Variants in ZSCAN32 observed in about 807,000 individuals in gnomAD.
The protein encoded by ZSCAN32 is zinc finger and SCAN domain containing 32, also known as zinc finger and SCAN domain-containing protein 32.
Under a neutral mutation model 47.4 loss-of-function variants are expected in ZSCAN32, and 52 were observed. The observed-to-expected ratio is 1.10, with a 90% CI of 0.88 to 1.38. The LOEUF is 1.38. ZSCAN32 is among the 40% of genes most tolerant of loss of function. The pLI, the probability that ZSCAN32 is intolerant of heterozygous loss-of-function variation, is 0.00. For missense variants in ZSCAN32, 959 were observed against 846.0 expected (o/e 1.13, Z -1.66); for synonymous variants, 346 against 305.7 (o/e 1.13, Z -1.38).
intron 3 of ZSCAN32, among the ~76,000 whole-genome samples, chr16:3,392,188 A>G (rs1189575352): frequency 6.6e-6 from 1 of 152,208 alleles, no homozygotes; most frequent in Non-Finnish European, 1.5e-5. Context: ...ACAACAGGTA[A>G]ATCCATGGAA....
intron 6 of ZSCAN32, chr16:3,384,009 G>T (rs1174606587): frequency 9.0e-6 from 4 of 446,404 alleles, no homozygotes; most frequent in African/African-American, 4.0e-5. Context: ...TCTGTTTATA[G>T]GTGTACCCTC....
intron 5 of ZSCAN32, among the ~76,000 whole-genome samples, chr16:3,388,575 C>G (rs1246484973): frequency 6.6e-6 from 1 of 152,186 alleles, no homozygotes; most frequent in Non-Finnish European, 1.5e-5. Flanking sequence ...CCCTAACGAC[C>G]TAGAACTAGG....
At chr16:3,385,057 G>T in intron 5 of ZSCAN32, 116 bp from the exon 6 acceptor site, 1 of 1,242,078 alleles carries the variant, frequency 8.1e-7, no homozygotes, top group Non-Finnish European at 1.1e-6. Flanking sequence ...GGATGCGGTG[G>T]CTCACACCTG....
rs1038553614 is a variant in ZSCAN32 at position 3,397,696 on chromosome 16, A to G, written c.-139T>C. 1.7e-6 allele frequency: 2 copies of G among 1,162,564 alleles called. No homozygotes were observed. Among genetic ancestry groups the G allele is most frequent in the Admixed American group, 3.0e-5 (1 of 33,490 alleles). The allele number at this position is 1,162,564 out of a possible 1,614,324, so 72.0% of individuals were successfully genotyped here. A position where few individuals can be genotyped will look rare whatever the true frequency, so the allele number is the denominator to read the frequency against. Reference sequence around the variant, plus strand: ...TCCGTGGGACATGAGAGTGTCAGACATGTGTAGAGACTCACAGCGGAAAAA... The same window carrying G: ...TCCGTGGGACATGAGAGTGTCAGACGTGTGTAGAGACTCACAGCGGAAAAA... On this transcript the variant is annotated 5_prime_UTR_variant, in exon 2 of 7. It removes an upstream start codon present in the reference 5' UTR. Coordinates refer to ENST00000396852, the MANE Select transcript of ZSCAN32 (RefSeq NM_001284527.2).
At position 3,382,524 on chromosome 16, in the gene ZSCAN32, ATGTT is replaced by A. The variant is rs756335208; in HGVS notation, c.*324_*327del. Reference sequence around the variant, plus strand: ...TCTTTCTCAGCCCTGTGTGAGGACTATGTTAGCCCAGAAAGTGTTCTTGGACCAC... The same window carrying A: ...TCTTTCTCAGCCCTGTGTGAGGACTAAGCCCAGAAAGTGTTCTTGGACCAC... On this transcript the variant is annotated 3_prime_UTR_variant, in exon 7 of 7. Coordinates refer to ENST00000396852, the MANE Select transcript of ZSCAN32 (RefSeq NM_001284527.2). The A allele has an allele frequency of 1.2e-4, 24 of 206,554 alleles. No individual in the cohort carries two copies. The highest frequency in any genetic ancestry group is 2.2e-4 in the Non-Finnish European group (23 of 103,508). The allele number at this position is 206,554 out of a possible 1,614,324, so 12.8% of individuals were successfully genotyped here.
rs1266152792 is a variant in ZSCAN32, at chr16:3,382,639, C to CT, written c.*212dup. ...ATCCTACAGCTTTCTCTCCATCAAACTTTAAGTCACAGTAAGATAGGACTC... is the reference window on the plus strand; with the variant it reads ...ATCCTACAGCTTTCTCTCCATCAAACTTTTAAGTCACAGTAAGATAGGACTC... On this transcript the variant is annotated 3_prime_UTR_variant, in exon 7 of 7. Transcript: ENST00000396852. The CT allele has an allele frequency of 2.4e-5, 13 of 541,080 alleles. No homozygotes were observed. Among genetic ancestry groups the CT allele is most frequent in the Admixed American group, 7.8e-5 (2 of 25,784 alleles). The allele number at this position is 541,080 out of a possible 1,614,324, so 33.5% of individuals were successfully genotyped here.
At chr16:3,386,707 C>T (rs1286461620) in intron 5 of ZSCAN32, among the ~76,000 whole-genome samples, 2 of 152,000 alleles carry the variant, frequency 1.3e-5, no homozygotes, top group Admixed American at 6.6e-5. Context: ...AACCAAATAC[C>T]ACATGTTGTC....
rs1306121225 is a variant in ZSCAN32, at chr16:3,383,586, C to G, written c.1360G>C (p.Gly454Arg). The change falls in exon 7 of 7, where the codon GGC (glycine) becomes CGC (arginine). Residue 454 changes from glycine (G) to arginine (R), a missense_variant. Coordinates refer to ENST00000396852, the MANE Select transcript of ZSCAN32 (RefSeq NM_001284527.2). ...GVYWHSELQK[G>R]LESEPTSRRQ... ...CTTGATGTTGGCTCACTCTCCAAGCCTTTTTGTAGCTCAGAGTGCCAATAA... is the reference window on the plus strand; with the variant it reads ...CTTGATGTTGGCTCACTCTCCAAGCGTTTTTGTAGCTCAGAGTGCCAATAA... 1 of 1,613,784 alleles carries G rather than the reference C, an allele frequency of 6.2e-7. No homozygotes were observed. Among genetic ancestry groups the G allele is most frequent in the Non-Finnish European group, 8.5e-7 (1 of 1,180,006 alleles).
chr16:3,390,310 A>G (rs943762481), intron 4 of ZSCAN32, 113 bp downstream of exon 4: 2 of 1,355,570 alleles, frequency 1.5e-6, no homozygotes, highest in African/African-American at 3.0e-5. Flanking sequence ...GAATCAAAAT[A>G]ACCCGAGAAG....
At position 3,383,058 on chromosome 16, in the gene ZSCAN32, C is replaced by T. The variant is rs1398221806; in HGVS notation, c.1888G>A (p.Glu630Lys). Residue 630 changes from glutamate to lysine, a missense_variant, in exon 7 of 7, where the codon GAG (glutamate) becomes AAG (lysine). Coordinates refer to ENST00000396852, the MANE Select transcript of ZSCAN32 (RefSeq NM_001284527.2). ...CACACTGCACACTTGTATGGGCTCT[C>T]CCCAGTGTGGATGCGCCGGTGAGCA... is the stretch of plus-strand genomic sequence containing the variant. Reference protein sequence around the residue: ...FSAHRRIHTGESPYKCAVCGK... With the variant: ...FSAHRRIHTGKSPYKCAVCGK... 1.2e-6 allele frequency: 2 copies of T among 1,614,134 alleles called. No homozygotes were observed. Among genetic ancestry groups the T allele is most frequent in the South Asian group, 2.2e-5 (2 of 91,078 alleles).
At chr16:3,392,819 C>T (rs2032880483) in intron 3 of ZSCAN32, among the ~76,000 whole-genome samples, 2 of 151,530 alleles carry the variant, frequency 1.3e-5, no homozygotes, top group African/African-American at 4.8e-5. Flanking sequence ...GAGCAAGACT[C>T]CGTCTCAAAA....
intron 5 of ZSCAN32, among the ~76,000 whole-genome samples, chr16:3,387,768 AC>A (rs1471639575): frequency 6.6e-6 from 1 of 152,192 alleles, no homozygotes; most frequent in East Asian, 1.9e-4. Flanking sequence ...ATTCAATTTA[AC>A]TAACACTGAG....
intron 4 of ZSCAN32, 54 bp from the exon 5 acceptor site, chr16:3,390,187 G>C: frequency 6.6e-7 from 1 of 1,526,680 alleles, no homozygotes; most frequent in Non-Finnish European, 8.8e-7. Context: ...CTCTAGCCTG[G>C]GGTGGGGGCA....
chr16:3,387,139 A>G (rs2150877869), intron 5 of ZSCAN32, among the ~76,000 whole-genome samples: 1 of 152,294 alleles, frequency 6.6e-6, no homozygotes, highest in East Asian at 1.9e-4. Context: ...CTCGTTAATT[A>G]TCCTCAATCC....
At chr16:3,391,864 G>A (rs2032743838) in intron 3 of ZSCAN32, among the ~76,000 whole-genome samples, 1 of 152,116 alleles carries the variant, frequency 6.6e-6, no homozygotes, top group African/African-American at 2.4e-5. Context: ...CTAGCAGTTT[G>A]AGGCAGCAGT....
chr16:3,396,276 G>C (rs186499372), intron 2 of ZSCAN32, among the ~76,000 whole-genome samples: 2 of 152,264 alleles, frequency 1.3e-5, no homozygotes, highest in East Asian at 3.9e-4. Context: ...TCACCATCAA[G>C]CTGCTCTTCC....
intron 5 of ZSCAN32, among the ~76,000 whole-genome samples, chr16:3,388,986 A>C (rs1275910110): frequency 1.3e-5 from 2 of 152,252 alleles, no homozygotes; most frequent in African/African-American, 4.8e-5. Context: ...TACAGTGGTT[A>C]ATTTTATGTC....
rs114929827 is a variant in ZSCAN32 at position 3,391,754 on chromosome 16, T to G, written c.533-1237A>C. 4.4e-3 allele frequency among the ~76,000 whole-genome samples: 664 copies of G among 151,018 alleles called. 1 individual carries two copies. Among genetic ancestry groups the G allele is most frequent in the African/African-American group, 0.015 (634 of 41,082 alleles). On this transcript the variant is annotated intron_variant, in intron 3 of 6. Coordinates refer to ENST00000396852, the MANE Select transcript of ZSCAN32 (RefSeq NM_001284527.2). ...AGTTTATCAACACAGGTTTGCCAAC[T>G]TAAACATCATCAAGACACACTGTTT...
At chr16:3,383,835 C>G in intron 6 of ZSCAN32, 124 bp from the exon 7 acceptor site, 3 of 1,024,130 alleles carry the variant, frequency 2.9e-6, no homozygotes, top group Non-Finnish European at 4.0e-6. Context: ...GATTAAGTCT[C>G]CTGCTAATTA....
Sources: gnomAD v4.1 joint callset for allele counts (sites outside exome capture counted in the v4.1 genomes callset) on GRCh38, gnomAD v4.1.1 for gene constraint, MANE v1.5 for transcripts, NCBI Gene and HGNC (gene_info 2026-07-23, HGNC 2026-07-21) for gene names.